DCLK1: variants seen among roughly 807,000 people sequenced by gnomAD.
DCLK1 encodes the protein serine/threonine-protein kinase DCLK1.
A neutral mutation model predicts 86.2 loss-of-function variants in DCLK1; 16 were observed. That is an observed-to-expected ratio of 0.19 (90% CI 0.13 to 0.28). The LOEUF (loss-of-function observed/expected upper bound fraction) is 0.28. DCLK1 is among the 10% of genes least tolerant of loss of function. DCLK1 has a pLI of 1.00. For synonymous variants in DCLK1, 369 were observed against 370.5 expected, an observed-to-expected ratio of 1.00 and a Z score of 0.05; for missense variants, 590 against 940.2, an observed-to-expected ratio of 0.63 and a Z score of 4.87.
intron 3 of DCLK1, among the ~76,000 whole-genome samples, chr13:36,055,895 TATA>T (rs887597678): frequency 2.0e-5 from 3 of 152,206 alleles, no homozygotes; most frequent in African/African-American, 4.8e-5. Context: ...AAATTAACCA[TATA>T]ATGATTGCCA....
intron 4 of DCLK1, among the ~76,000 whole-genome samples, chr13:35,934,870 G>A (rs1255060254): frequency 5.3e-5 from 8 of 152,012 alleles, no homozygotes; most frequent in South Asian, 2.1e-4. Context: ...ATAATTAAAC[G>A]TGATTATTAT....
At chr13:36,075,315 C>A (rs1027525459) in intron 3 of DCLK1, among the ~76,000 whole-genome samples, 4 of 152,264 alleles carry the variant, frequency 2.6e-5, no homozygotes, top group African/African-American at 9.6e-5. Flanking sequence ...AGTTCTGATA[C>A]ATAATTACTA....
At chr13:35,975,777 G>A (rs1335925351) in intron 3 of DCLK1, among the ~76,000 whole-genome samples, 4 of 152,142 alleles carry the variant, frequency 2.6e-5, no homozygotes, top group Admixed American at 2.0e-4. Flanking sequence ...TCCTACCAGT[G>A]GAAACCTGAT....
intron 3 of DCLK1, among the ~76,000 whole-genome samples, chr13:36,038,276 C>T (rs1882579601): frequency 6.6e-6 from 1 of 152,196 alleles, no homozygotes; most frequent in Admixed American, 6.5e-5. Flanking sequence ...CACCATGGGT[C>T]CATCCCTGCC....
intron 3 of DCLK1, among the ~76,000 whole-genome samples, chr13:36,056,904 A>ATAT (rs1370008774): frequency 2.7e-4 from 34 of 127,422 alleles, no homozygotes; most frequent in African/African-American, 9.0e-4. Context: ...AAAAAAAAAA[A>ATAT]AAATATATAT....
At chr13:35,910,377 A>C (rs1184798093) in intron 4 of DCLK1, among the ~76,000 whole-genome samples, 1 of 152,226 alleles carries the variant, frequency 6.6e-6, no homozygotes, top group Non-Finnish European at 1.5e-5. Flanking sequence ...TAACAGAGAT[A>C]ATACTCAGCC....
At chr13:35,790,977 C>A (rs531876429) in intron 16 of DCLK1, among the ~76,000 whole-genome samples, 5 of 152,256 alleles carry the variant, frequency 3.3e-5, no homozygotes, top group African/African-American at 9.6e-5. Flanking sequence ...GCCAAAATAG[C>A]CAGTTTCTAA....
intron 3 of DCLK1, among the ~76,000 whole-genome samples, chr13:35,959,933 G>T (rs1233077057): frequency 6.6e-6 from 1 of 151,986 alleles, no homozygotes; most frequent in Non-Finnish European, 1.5e-5. Flanking sequence ...GTACATGAGT[G>T]CATCTACATG....
At chr13:36,101,388 G>A (rs1389103377) in intron 3 of DCLK1, among the ~76,000 whole-genome samples, 1 of 152,192 alleles carries the variant, frequency 6.6e-6, no homozygotes, top group Non-Finnish European at 1.5e-5. Context: ...CCAGAAAATT[G>A]CTGCTGGCAA....
At chr13:36,000,725 CAAGAA>C (rs896341134) in intron 3 of DCLK1, among the ~76,000 whole-genome samples, 1 of 152,038 alleles carries the variant, frequency 6.6e-6, no homozygotes, top group Non-Finnish European at 1.5e-5. Flanking sequence ...TGATGTTTTA[CAAGAA>C]AACAAAAGCA....
intron 3 of DCLK1, among the ~76,000 whole-genome samples, chr13:35,965,925 G>A (rs535385572): frequency 1.3e-5 from 2 of 152,338 alleles, no homozygotes; most frequent in South Asian, 4.1e-4. Flanking sequence ...GCCACAGGGA[G>A]AGTTCCTAGA....
chr13:36,013,876 C>T (rs1487437787), intron 3 of DCLK1, among the ~76,000 whole-genome samples: 4 of 152,310 alleles, frequency 2.6e-5, no homozygotes, highest in South Asian at 4.1e-4. Flanking sequence ...TAGCAATCAG[C>T]GAGATTCCGT....
chr13:35,837,781 C>G (rs1272499773), intron 7 of DCLK1, among the ~76,000 whole-genome samples: 1 of 151,954 alleles, frequency 6.6e-6, no homozygotes, highest in Non-Finnish European at 1.5e-5. Flanking sequence ...GAAGGCTAAG[C>G]CAGGCTGGGT....
chr13:35,881,410 G>A (rs1468566187), intron 4 of DCLK1, among the ~76,000 whole-genome samples: 1 of 152,088 alleles, frequency 6.6e-6, no homozygotes, highest in Non-Finnish European at 1.5e-5. Context: ...CTTCCATCAG[G>A]GTGCAGGGAA....
intron 6 of DCLK1, chr13:35,850,551 T>C (rs1455435462): frequency 1.6e-6 from 2 of 1,267,582 alleles, no homozygotes; most frequent in Non-Finnish European, 2.0e-6. Flanking sequence ...AATTTCAAGG[T>C]TGAACATCAC....
At chr13:36,091,965 A>G (rs1202037027) in intron 3 of DCLK1, among the ~76,000 whole-genome samples, 1 of 152,154 alleles carries the variant, frequency 6.6e-6, no homozygotes, top group Non-Finnish European at 1.5e-5. Context: ...GCAATGTTCT[A>G]TGTTGTTTAT....
intron 3 of DCLK1, among the ~76,000 whole-genome samples, chr13:36,030,852 T>A (rs1882241665): frequency 6.6e-6 from 1 of 152,042 alleles, no homozygotes. Flanking sequence ...CCCATCCCAT[T>A]CACTCATTGC....
Position 35,810,907 on chromosome 13 carries a change from A to G in DCLK1, c.1616T>C (p.Ile539Thr), listed in dbSNP as rs1566544733. 3 of 1,613,972 alleles carry G rather than the reference A, an allele frequency of 1.9e-6. No individual in the cohort carries two copies. Among genetic ancestry groups the G allele is most frequent in the Non-Finnish European group, 1.7e-6 (2 of 1,179,962 alleles). The change falls in exon 12 of 17, where the codon ATT (isoleucine) becomes ACT (threonine). Residue 539 changes from isoleucine (I) to threonine (T), a missense_variant. By Grantham distance (89) the Ile-to-Thr change is moderately conservative. Around this residue, in one of 6 missense-constraint regions of DCLK1, gnomAD observed 28 missense variants for 77.1 expected, o/e 0.36. Coordinates refer to ENST00000360631, the MANE Select transcript of DCLK1 (RefSeq NM_001330071.2). Reference sequence around the variant, plus strand: ...GACTGTGTACAGGGGGCCGTCTACAATGGTGGCCAGTCCAAAGTCACCCAG... The same window carrying G: ...GACTGTGTACAGGGGGCCGTCTACAGTGGTGGCCAGTCCAAAGTCACCCAG... ...LKLGDFGLAT[I>T]VDGPLYTVCG...
intron 3 of DCLK1, among the ~76,000 whole-genome samples, chr13:36,036,873 C>G (rs1459130982): frequency 6.6e-6 from 1 of 152,116 alleles, no homozygotes; most frequent in Non-Finnish European, 1.5e-5. Flanking sequence ...AGCAATTCCT[C>G]TACTGGGTGT....
Sources: gnomAD v4.1 joint callset for allele counts (sites outside exome capture counted in the v4.1 genomes callset) on GRCh38, gnomAD v4.1.1 for gene constraint, gnomAD v4.1.1 regional missense constraint, MANE v1.5 for transcripts, NCBI Gene and HGNC (gene_info 2026-07-23, HGNC 2026-07-21) for gene names.